CFAP299: variants seen among roughly 807,000 people sequenced by gnomAD.
The protein encoded by CFAP299 is cilia- and flagella-associated protein 299.
CFAP299 carries 21 observed loss-of-function variants against 27.0 expected under a neutral mutation model. That is an observed-to-expected ratio of 0.78 (90% CI 0.55 to 1.12). The LOEUF (loss-of-function observed/expected upper bound fraction) is 1.12, where lower values mean the gene tolerates loss of function less well. CFAP299 is among the 50% of genes most tolerant of loss of function. The probability of loss-of-function intolerance (pLI) is 0.00; values close to 1 mark genes in which losing one functional copy is unlikely to be tolerated. For missense variants in CFAP299, 310 were observed against 276.6 expected (o/e 1.12, Z -0.86); for synonymous variants, 104 against 98.1 (o/e 1.06, Z -0.36).
At chr4:80,909,059 T>G (rs772164129) in intron 4 of CFAP299, among the ~76,000 whole-genome samples, 5 of 152,198 alleles carry the variant, frequency 3.3e-5, no homozygotes, top group Non-Finnish European at 7.4e-5. Flanking sequence ...TATACATACA[T>G]AGTTTTGTAA....
At chr4:80,942,687 G>C (rs1398273799) in intron 4 of CFAP299, among the ~76,000 whole-genome samples, 2 of 152,040 alleles carry the variant, frequency 1.3e-5, no homozygotes, top group African/African-American at 4.8e-5. Flanking sequence ...TGGGGTCTGA[G>C]CAACAAGATA....
intron 2 of CFAP299, among the ~76,000 whole-genome samples, chr4:80,433,014 T>C (rs1560565237): frequency 6.6e-6 from 1 of 152,198 alleles, no homozygotes; most frequent in African/African-American, 2.4e-5. Flanking sequence ...TTGTTCATTC[T>C]CAGAGAACAA....
Position 80,741,196 on chromosome 4 carries a change from T to TAG in CFAP299, c.334-128797_334-128796insAG, listed in dbSNP as rs71664817. ...GTCTCAGGGTCTATGGTCCACAGCA[T>TAG]TCCCTGGGTAATCACTGTTGGTTAT... On this transcript the variant is annotated intron_variant, in intron 3 of 5. Coordinates refer to ENST00000358105, the MANE Select transcript of CFAP299 (RefSeq NM_152770.3). Among the ~76,000 whole-genome samples the TAG allele has an allele frequency of 2.5e-3, 373 of 151,796 alleles. 1 individual carries two copies. The highest frequency in any genetic ancestry group is 8.6e-3 in the African/African-American group (355 of 41,246).
At chr4:80,692,605 C>A (rs1720795761) in intron 3 of CFAP299, among the ~76,000 whole-genome samples, 1 of 152,084 alleles carries the variant, frequency 6.6e-6, no homozygotes, top group Admixed American at 6.6e-5. Flanking sequence ...AGAAGAAAAC[C>A]TAGGCATTAC....
chr4:80,367,796 G>A (rs1460273382), intron 2 of CFAP299, among the ~76,000 whole-genome samples: 1 of 152,218 alleles, frequency 6.6e-6, no homozygotes, highest in East Asian at 1.9e-4. Context: ...TGTCAGGACA[G>A]GGAATTCTCT....
chr4:80,691,781 A>T lies in CFAP299; in HGVS notation c.333+108598A>T, dbSNP rs1720715967. On this transcript the variant is annotated intron_variant, in intron 3 of 5. Transcript: ENST00000358105. ...CCCTGTTTGCAGTTGACATGATTGT[A>T]TATCTAGAAAACCCCATTGTCTCAG... Among the ~76,000 whole-genome samples the T allele has an allele frequency of 2.6e-5, 4 of 152,320 alleles. 1 individual carries two copies. The South Asian group carries it at 8.3e-4, about 32-fold the overall frequency.
intron 3 of CFAP299, among the ~76,000 whole-genome samples, chr4:80,827,888 C>T (rs1730072181): frequency 6.6e-6 from 1 of 151,964 alleles, no homozygotes; most frequent in South Asian, 2.1e-4. Context: ...ATATCCGTTG[C>T]ATTTCTGTAC....
At chr4:80,745,600 T>A (rs1012825967) in intron 3 of CFAP299, among the ~76,000 whole-genome samples, 1 of 152,066 alleles carries the variant, frequency 6.6e-6, no homozygotes, top group Admixed American at 6.6e-5. Context: ...GATAGCACAG[T>A]TTCCATATAC....
intron 3 of CFAP299, among the ~76,000 whole-genome samples, chr4:80,736,185 G>T (rs1174365937): frequency 1.3e-5 from 2 of 152,088 alleles, no homozygotes; most frequent in African/African-American, 4.8e-5. Context: ...GTAATGCCTA[G>T]GTTTTCCTCT....
intron 4 of CFAP299, among the ~76,000 whole-genome samples, chr4:80,940,431 C>A (rs1737135122): frequency 6.6e-6 from 1 of 152,170 alleles, no homozygotes; most frequent in Non-Finnish European, 1.5e-5. Flanking sequence ...TGGCCCTAGG[C>A]TATGCTGCCT....
chr4:80,691,381 G>T (rs1346331870), intron 3 of CFAP299, among the ~76,000 whole-genome samples: 3 of 141,156 alleles, frequency 2.1e-5, no homozygotes, highest in Admixed American at 7.1e-5. Flanking sequence ...ATGCAAGGCT[G>T]GTTCAATATA....
At chr4:80,347,505 G>A (rs755368863) in intron 1 of CFAP299, among the ~76,000 whole-genome samples, 2 of 152,034 alleles carry the variant, frequency 1.3e-5, no homozygotes, top group East Asian at 1.9e-4. Context: ...GCAAAGAGCC[G>A]AATCATGTAT....
At position 80,362,811 on chromosome 4, in the gene CFAP299, G is replaced by T; in HGVS notation, c.169G>T (p.Val57Leu). The change falls in exon 2 of 6, where the codon GTG becomes TTG. Residue 57 changes from valine (V) to leucine (L), a missense_variant. Physicochemically the swap from Val to Leu is conservative, Grantham distance 32. Coordinates refer to ENST00000358105, the MANE Select transcript of CFAP299 (RefSeq NM_152770.3). ...AGGCTACCGAGGGACTGGAGAGAGA[G>T]TGAAAAGGGAAGATTTTGAAGCAAG... ...ELGYRGTGER[V>L]KREDFEARKA... 6.2e-7 allele frequency: 1 copy of T among 1,613,460 alleles called. No homozygotes were observed. Among genetic ancestry groups the T allele is most frequent in the Non-Finnish European group, 8.5e-7 (1 of 1,179,884 alleles).
intron 3 of CFAP299, among the ~76,000 whole-genome samples, chr4:80,809,305 T>G (rs1022722399): frequency 6.6e-6 from 1 of 152,116 alleles, no homozygotes; most frequent in African/African-American, 2.4e-5. Context: ...TATAGCTAAA[T>G]CCTTCGGGTG....
intron 4 of CFAP299, among the ~76,000 whole-genome samples, chr4:80,877,251 AAT>A (rs1440652511): frequency 6.6e-6 from 1 of 152,194 alleles, no homozygotes; most frequent in Non-Finnish European, 1.5e-5. Flanking sequence ...TTAATTTTCC[AAT>A]ACTTAACTCA....
At chr4:80,384,603 C>T (rs1337196662) in intron 2 of CFAP299, among the ~76,000 whole-genome samples, 3 of 152,074 alleles carry the variant, frequency 2.0e-5, no homozygotes, top group South Asian at 4.1e-4. Context: ...AGGAAAAACA[C>T]CTATTTTAAT....
intron 2 of CFAP299, among the ~76,000 whole-genome samples, chr4:80,574,803 T>C (rs1021528139): frequency 2.6e-5 from 4 of 152,186 alleles, no homozygotes; most frequent in Non-Finnish European, 5.9e-5. Flanking sequence ...ATCCCTGGGA[T>C]AAGTTCCACT....
intron 3 of CFAP299, among the ~76,000 whole-genome samples, chr4:80,668,721 G>A (rs180970577): frequency 3.3e-5 from 5 of 152,154 alleles, no homozygotes; most frequent in African/African-American, 1.2e-4. Flanking sequence ...AGAATATTTT[G>A]AATTCAAAGG....
At position 80,786,181 on chromosome 4, in the gene CFAP299, A is replaced by AT. The variant is rs199691309; in HGVS notation, c.334-83811dup. ...AAGTATACCCTCTGTTTTGAGGGCTATAGTTTTTGCAGAAAGAACTAGTAT... is the reference window on the plus strand; with the variant it reads ...AAGTATACCCTCTGTTTTGAGGGCTATTAGTTTTTGCAGAAAGAACTAGTAT... On this transcript the variant is annotated intron_variant, in intron 3 of 5. Coordinates refer to ENST00000358105, the MANE Select transcript of CFAP299 (RefSeq NM_152770.3). 4.2e-3 allele frequency among the ~76,000 whole-genome samples: 640 copies of AT among 152,182 alleles called. 3 individuals carry two copies. Among genetic ancestry groups the AT allele is most frequent in the African/African-American group, 0.014 (595 of 41,542 alleles).
Sources: allele counts gnomAD v4.1 joint callset (sites outside exome capture counted in the v4.1 genomes callset), GRCh38; gene constraint gnomAD v4.1.1; transcripts MANE v1.5; gene names NCBI Gene and HGNC (gene_info 2026-07-23, HGNC 2026-07-21).